Variants in CCM2 observed in about 807,000 individuals in gnomAD.
CCM2 encodes cerebral cavernous malformations 2 protein.
CCM2 carries 25 observed loss-of-function variants against 44.9 expected under a neutral mutation model. That is an observed-to-expected ratio of 0.56 (90% CI 0.41 to 0.78). The LOEUF is 0.78. Among genes scored for constraint, CCM2 ranks in the 30% least tolerant of loss-of-function variants. CCM2 has a pLI of 0.00. For missense variants in CCM2, 481 were observed against 580.6 expected (o/e 0.83, Z 1.76); for synonymous variants, 219 against 241.1 (o/e 0.91, Z 0.85).
chr7:45,004,676 C>G (rs1795774191), intron 1 of CCM2, among the ~76,000 whole-genome samples: 1 of 152,170 alleles, frequency 6.6e-6, no homozygotes, highest in Admixed American at 6.5e-5. Flanking sequence ...CACTTAAACG[C>G]TCTGATTTTT....
At chr7:45,019,692 C>G (rs767401483) in intron 1 of CCM2, among the ~76,000 whole-genome samples, 4 of 152,086 alleles carry the variant, frequency 2.6e-5, no homozygotes, top group Non-Finnish European at 5.9e-5. Flanking sequence ...AAGCAATTCT[C>G]CTACCTTAGC....
At chr7:45,073,142 C>CG (rs1299214504) in intron 7 of CCM2, 1 of 573,256 alleles carries the variant, frequency 1.7e-6, no homozygotes. Context: ...TTCACCCACT[C>CG]GCGCTCTCCA....
chr7:45,048,007 A>C (rs1797839094), intron 2 of CCM2, among the ~76,000 whole-genome samples: 1 of 152,246 alleles, frequency 6.6e-6, no homozygotes, highest in Admixed American at 6.5e-5. Flanking sequence ...ATGATTAAGA[A>C]AAATTATCTA....
At chr7:45,021,681 G>A (rs934451683) in intron 1 of CCM2, among the ~76,000 whole-genome samples, 55 of 152,132 alleles carry the variant, frequency 3.6e-4, no homozygotes, top group African/African-American at 1.2e-3. Flanking sequence ...GTGAGATGAG[G>A]CAGGGGAGTA....
chr7:45,004,347 CAAAAT>C (rs762761648), intron 1 of CCM2, among the ~76,000 whole-genome samples: 26 of 152,130 alleles, frequency 1.7e-4, no homozygotes, highest in Admixed American at 5.2e-4. Flanking sequence ...TTGCTTTACT[CAAAAT>C]AGAAGAAACA....
chr7:45,036,658 G>A (rs1189083848), intron 1 of CCM2, among the ~76,000 whole-genome samples: 1 of 152,180 alleles, frequency 6.6e-6, no homozygotes, highest in Non-Finnish European at 1.5e-5. Flanking sequence ...GCAATTGTCT[G>A]TGAAATTGGT....
chr7:45,029,621 G>A (rs889022180), intron 1 of CCM2: 4 of 152,192 alleles, frequency 2.6e-5, no homozygotes, highest in East Asian at 1.9e-4. Flanking sequence ...ATAAACAGGT[G>A]CCCTGACTTA....
At chr7:45,042,968 C>CTTTTTTTTT (rs35874377) in intron 2 of CCM2, among the ~76,000 whole-genome samples, 1 of 134,630 alleles carries the variant, frequency 7.4e-6, no homozygotes, top group Non-Finnish European at 1.6e-5. Context: ...TCTTCTTCTT[C>CTTTTTTTTT]TTTTTTTTTT....
intron 1 of CCM2, among the ~76,000 whole-genome samples, chr7:45,036,673 T>C (rs1797232205): frequency 6.6e-6 from 1 of 152,154 alleles, no homozygotes; most frequent in Non-Finnish European, 1.5e-5. Context: ...ATTGGTGGGT[T>C]TGAGGAGGTG....
intron 2 of CCM2, among the ~76,000 whole-genome samples, chr7:45,051,260 G>A (rs894991380): frequency 6.6e-6 from 1 of 152,144 alleles, no homozygotes; most frequent in South Asian, 2.1e-4. Flanking sequence ...TGGGGACATA[G>A]CACCATGTAG....
At position 45,076,059 on chromosome 7, in the gene CCM2, G is replaced by A. The variant is rs1162235866; in HGVS notation, c.*2G>A. On this transcript the variant is annotated 3_prime_UTR_variant, in exon 10 of 10. Coordinates refer to ENST00000258781, the MANE Select transcript of CCM2 (RefSeq NM_031443.4). ...AGCATGGACCAGGACTCAGCATGAT[G>A]GACAGTGGATGGGGGGGCACCCACA... 15 of 1,612,860 alleles carry A rather than the reference G, an allele frequency of 9.3e-6. No homozygotes were observed. The East Asian group carries it at 1.8e-4, about 19-fold the overall frequency.
At chr7:45,038,840 C>T (rs1797348240) in intron 2 of CCM2, among the ~76,000 whole-genome samples, 1 of 152,234 alleles carries the variant, frequency 6.6e-6, no homozygotes, top group Admixed American at 6.5e-5. Flanking sequence ...TGAGGCTCAT[C>T]ATTGGGTCTC....
chr7:45,013,111 T>C (rs1796129066), intron 1 of CCM2, among the ~76,000 whole-genome samples: 1 of 152,204 alleles, frequency 6.6e-6, no homozygotes, highest in African/African-American at 2.4e-5. Flanking sequence ...CTATTGCTAC[T>C]GGCTTTTTTG....
At chr7:45,006,292 CT>C (rs1795845045) in intron 1 of CCM2, among the ~76,000 whole-genome samples, 1 of 151,892 alleles carries the variant, frequency 6.6e-6, no homozygotes, top group Non-Finnish European at 1.5e-5. Context: ...GAAGCCCCTA[CT>C]TCCAGGACCT....
chr7:45,073,611 G>T (rs773753771), intron 8 of CCM2, 40 bp downstream of exon 8: 1 of 1,459,374 alleles, frequency 6.9e-7, no homozygotes, highest in Non-Finnish European at 9.5e-7. Flanking sequence ...GCATGAGGGA[G>T]GGGGTGCCCC....
rs143149895 is a variant in CCM2 at position 45,063,939 on chromosome 7, A to T, written c.226A>T (p.Ile76Leu). 5 of 1,612,918 alleles carry T rather than the reference A, an allele frequency of 3.1e-6. No homozygotes were observed. In the African/African-American group the frequency reaches 4.0e-5, roughly 13 times the overall value. ...EVKYLGQLTS[I>L]PGYLNPSSRT... ...TCAGTATTTAGGTCAGTTAACGTCC[A>T]TACCAGGATACCTGAATCCCTCCAG... is the stretch of plus-strand genomic sequence containing the variant. The change falls in exon 3 of 10, where the codon ATA (isoleucine) becomes TTA (leucine). Residue 76 changes from isoleucine to leucine, a missense_variant. Coordinates refer to ENST00000258781, the MANE Select transcript of CCM2 (RefSeq NM_031443.4).
At chr7:45,047,089 G>A (rs964695010) in intron 2 of CCM2, among the ~76,000 whole-genome samples, 3 of 152,094 alleles carry the variant, frequency 2.0e-5, no homozygotes, top group African/African-American at 7.2e-5. Context: ...AGATGTGGAG[G>A]AACTGGACCC....
chr7:45,072,577 C>T, intron 6 of CCM2, 149 bp from the exon 7 acceptor site: 1 of 711,852 alleles, frequency 1.4e-6, no homozygotes, highest in Non-Finnish European at 2.5e-6. Context: ...CAGCACATTC[C>T]AGAGTGCGGG....
chr7:45,009,529 C>T (rs1299530210), intron 1 of CCM2, among the ~76,000 whole-genome samples: 2 of 151,534 alleles, frequency 1.3e-5, no homozygotes, highest in Non-Finnish European at 2.9e-5. Flanking sequence ...CTCAGCCTCC[C>T]CAGCAGCTGG....
Sources: gnomAD v4.1 joint callset for allele counts (sites outside exome capture counted in the v4.1 genomes callset) on GRCh38, gnomAD v4.1.1 for gene constraint, MANE v1.5 for transcripts, NCBI Gene and HGNC (gene_info 2026-07-23, HGNC 2026-07-21) for gene names.